Variants in WWOX observed in about 807,000 individuals in gnomAD.
WWOX encodes the protein WW domain containing oxidoreductase.
In WWOX, 69 loss-of-function variants were observed where a neutral mutation model predicts 46.2. The observed-to-expected ratio is 1.49, with a 90% CI of 1.23 to 1.82. The LOEUF is 1.82. WWOX is among the 40% of genes most tolerant of loss of function. The probability of loss-of-function intolerance (pLI) is 0.00; values close to 1 mark genes in which losing one functional copy is unlikely to be tolerated. For missense variants in WWOX, 919 were observed against 542.6 expected (o/e 1.69, Z -6.89); for synonymous variants, 359 against 202.6 (o/e 1.77, Z -6.56).
intron 8 of WWOX, among the ~76,000 whole-genome samples, chr16:78,704,755 C>T (rs2048296262): frequency 1.3e-5 from 2 of 152,126 alleles, no homozygotes; most frequent in Admixed American, 6.5e-5. Flanking sequence ...CTATTATTTT[C>T]TCCCTGTTGA....
At chr16:79,139,429 G>C (rs948592632) in intron 8 of WWOX, among the ~76,000 whole-genome samples, 6 of 152,172 alleles carry the variant, frequency 3.9e-5, no homozygotes, top group African/African-American at 1.4e-4. Flanking sequence ...CAGTTAATTT[G>C]ACATCTAGTG....
intron 8 of WWOX, among the ~76,000 whole-genome samples, chr16:78,874,693 T>TTC (rs2044200092): frequency 6.9e-6 from 1 of 144,826 alleles, no homozygotes; most frequent in Non-Finnish European, 1.5e-5. Context: ...TCTTTTTTTT[T>TTC]TTTTTTTTTT....
chr16:78,377,470 A>G (rs2081857280), intron 5 of WWOX, among the ~76,000 whole-genome samples: 1 of 152,222 alleles, frequency 6.6e-6, no homozygotes, highest in Non-Finnish European at 1.5e-5. Flanking sequence ...ATCCTTCAGG[A>G]AAATGTAACC....
intron 8 of WWOX, among the ~76,000 whole-genome samples, chr16:79,152,555 C>G (rs1007309113): frequency 3.9e-5 from 6 of 151,924 alleles, no homozygotes; most frequent in African/African-American, 1.2e-4. Context: ...CCTGTAGTCT[C>G]AGCTACTCGG....
chr16:78,575,411 G>A lies in WWOX; in HGVS notation c.1056+142659G>A, dbSNP rs529322797. On this transcript the variant is annotated intron_variant, in intron 8 of 8. Coordinates refer to ENST00000566780, the MANE Select transcript of WWOX (RefSeq NM_016373.4). Reference sequence around the variant, plus strand: ...TTGTCTGATGCGATGAGGATGTGGTGTTAATCTTACACCTACCCATTAGTC... The same window carrying A: ...TTGTCTGATGCGATGAGGATGTGGTATTAATCTTACACCTACCCATTAGTC... Among the ~76,000 whole-genome samples, 14 of 151,876 alleles carry A rather than the reference G, an allele frequency of 9.2e-5. No homozygotes were observed. The South Asian group carries it at 2.1e-3, about 23-fold the overall frequency.
rs2044068899 is a variant in WWOX, at chr16:78,869,037, A to G, written c.1057-342571A>G. Among the ~76,000 whole-genome samples the G allele has an allele frequency of 2.0e-5, 3 of 152,148 alleles. No homozygotes were observed. The South Asian group carries it at 6.2e-4, about 32-fold the overall frequency. ...CAAAGTTTTAAAGGAAGAAAATAAA[A>G]ATCACCTGTAGTCCTATCATTCAGA... On this transcript the variant is annotated intron_variant, in intron 8 of 8. Transcript: ENST00000566780.
At chr16:79,051,595 A>T (rs928055905) in intron 8 of WWOX, among the ~76,000 whole-genome samples, 28 of 152,316 alleles carry the variant, frequency 1.8e-4, no homozygotes, top group African/African-American at 6.7e-4. Flanking sequence ...GAGCGTCAAC[A>T]TTAGTGAACA....
intron 5 of WWOX, among the ~76,000 whole-genome samples, chr16:78,311,760 C>G (rs11646025): frequency 6.9e-6 from 1 of 145,078 alleles, no homozygotes; most frequent in Non-Finnish European, 1.5e-5. Context: ...CATTACTTAA[C>G]GTAATAATTA....
At chr16:78,831,547 A>C (rs1473001079) in intron 8 of WWOX, among the ~76,000 whole-genome samples, 3 of 152,204 alleles carry the variant, frequency 2.0e-5, no homozygotes, top group African/African-American at 7.2e-5. Context: ...GCACAAAGCC[A>C]GCATCAGTGA....
intron 8 of WWOX, among the ~76,000 whole-genome samples, chr16:78,739,706 G>T (rs954719018): frequency 1.3e-5 from 2 of 152,144 alleles, no homozygotes; most frequent in Non-Finnish European, 2.9e-5. Context: ...AGCTACTGCA[G>T]AGGCTGAGGC....
intron 8 of WWOX, among the ~76,000 whole-genome samples, chr16:79,195,125 G>A (rs533330642): frequency 1.3e-5 from 2 of 152,208 alleles, no homozygotes; most frequent in East Asian, 3.9e-4. Context: ...GAAAACAGAG[G>A]CTCAGACTGG....
chr16:78,935,021 C>G (rs2045706729), intron 8 of WWOX, among the ~76,000 whole-genome samples: 1 of 152,080 alleles, frequency 6.6e-6, no homozygotes, highest in African/African-American at 2.4e-5. Context: ...CATCACTGGC[C>G]CTCAGAGACA....
At chr16:78,570,556 C>G (rs997280525) in intron 8 of WWOX, among the ~76,000 whole-genome samples, 6 of 152,048 alleles carry the variant, frequency 3.9e-5, no homozygotes, top group Non-Finnish European at 5.9e-5. Context: ...TCAAGTGATC[C>G]TCCCGCCTCT....
Position 79,211,665 on chromosome 16 carries a change from G to C in WWOX, c.1114G>C (p.Gly372Arg), listed in dbSNP as rs587777127. 6.2e-7 allele frequency: 1 copy of C among 1,614,190 alleles called. No individual in the cohort carries two copies. The highest frequency in any genetic ancestry group is 1.1e-5 in the South Asian group (1 of 91,084). The stretch of plus-strand genomic sequence containing the variant: ...TGCTGTCCCAGAACTGGAGGGTCTG[G>C]GAGGGATGTACTTCAACAACTGCTG... The part of the protein sequence containing the change: ...CAAVPELEGL[G>R]GMYFNNCCRC... The change falls in exon 9 of 9, where the codon GGA becomes CGA. Residue 372 changes from glycine to arginine, a missense_variant. By Grantham distance (125) the Gly-to-Arg change is moderately radical (BLOSUM62 -2). Coordinates refer to ENST00000566780, the MANE Select transcript of WWOX (RefSeq NM_016373.4).
At chr16:78,940,831 T>C (rs2045837751) in intron 8 of WWOX, among the ~76,000 whole-genome samples, 1 of 152,060 alleles carries the variant, frequency 6.6e-6, no homozygotes, top group South Asian at 2.1e-4. Flanking sequence ...AAGAGGTTGA[T>C]CCCGGTGTAA....
chr16:78,314,705 T>TTTG (rs543952163), intron 5 of WWOX, among the ~76,000 whole-genome samples: 2 of 67,442 alleles, frequency 3.0e-5, no homozygotes, highest in African/African-American at 1.4e-4. Context: ...TTTTTTGTTT[T>TTTG]TTTTTTTTTT....
At chr16:78,605,685 C>T (rs1459873275) in intron 8 of WWOX, among the ~76,000 whole-genome samples, 3 of 152,156 alleles carry the variant, frequency 2.0e-5, no homozygotes, top group Non-Finnish European at 4.4e-5. Flanking sequence ...TGCTTGGAGG[C>T]ATAGTTCTTT....
intron 5 of WWOX, among the ~76,000 whole-genome samples, chr16:78,228,348 T>A (rs1258452693): frequency 6.7e-6 from 1 of 149,232 alleles, no homozygotes; most frequent in Non-Finnish European, 1.5e-5. Flanking sequence ...TCTTTTTTTT[T>A]TTTTTTTTTT....
intron 8 of WWOX, among the ~76,000 whole-genome samples, chr16:78,618,271 T>G (rs1322428736): frequency 6.6e-6 from 1 of 152,208 alleles, no homozygotes; most frequent in Non-Finnish European, 1.5e-5. Context: ...GGAGCTTGTT[T>G]TATTTTGCTT....
Sources: gnomAD v4.1 joint callset for allele counts (sites outside exome capture counted in the v4.1 genomes callset) on GRCh38, gnomAD v4.1.1 for gene constraint, MANE v1.5 for transcripts, NCBI Gene and HGNC (gene_info 2026-07-23, HGNC 2026-07-21) for gene names.